CMTM7: variants seen among roughly 807,000 people sequenced by gnomAD.
The protein encoded by CMTM7 is CKLF like MARVEL transmembrane domain containing 7, also known as CKLF-like MARVEL transmembrane domain-containing protein 7.
A neutral mutation model predicts 19.3 loss-of-function variants in CMTM7; 7 were observed. The ratio of observed to expected loss-of-function variants is 0.36; its 90% CI spans 0.21 to 0.68. The LOEUF (loss-of-function observed/expected upper bound fraction) is 0.68, where lower values mean the gene tolerates loss of function less well. Ranked by LOEUF, CMTM7 falls within the 30% of genes least tolerant of loss-of-function variation. The pLI is 0.60. For synonymous variants in CMTM7, 87 were observed against 99.3 expected (o/e 0.88, Z 0.74); for missense variants, 193 against 232.6 (o/e 0.83, Z 1.11).
rs1431149007 is a variant in CMTM7, at chr3:32,392,027, C to T, written c.121C>T (p.Pro41Ser). 11 of 1,235,324 alleles carry T rather than the reference C, an allele frequency of 8.9e-6. No individual in the cohort carries two copies. The highest frequency in any genetic ancestry group is 1.1e-5 in the Non-Finnish European group (11 of 987,126). The allele number at this position is 1,235,324 out of a possible 1,614,324, so 76.5% of individuals were successfully genotyped here. ...PLEGLLDLSY[P>S]RTHAALLKVA... is the part of the protein sequence containing the mutation. ...GGAGGGGCTGCTGGACCTCAGCTAC[C>T]CCCGCACCCACGCGGCCCTGCTGAA... The change falls in exon 1 of 5, where the codon CCC becomes TCC. Residue 41 changes from proline (P) to serine (S), a missense_variant. Pro to Ser is a moderately conservative substitution (Grantham distance 74). Coordinates refer to ENST00000334983, the MANE Select transcript of CMTM7 (RefSeq NM_138410.4).
In CMTM7 at chr3:32,436,403, A is replaced by G. The variant is rs955502133; in HGVS notation, c.160-5437A>G. ...AAAATTCAGCCAAAGTTGGGAGCAT[A>G]CCACATTCCTCTTCCTGTCTGCCAC... On this transcript the variant is annotated intron_variant, in intron 1 of 4. Transcript: ENST00000334983. Among the ~76,000 whole-genome samples, 4 of 152,138 alleles carry G rather than the reference A, an allele frequency of 2.6e-5. 1 individual carries two copies. The highest frequency in any genetic ancestry group is 1.5e-5 in the Non-Finnish European group (1 of 68,022).
chr3:32,413,552 C>T (rs950305381), intron 1 of CMTM7, among the ~76,000 whole-genome samples: 3 of 152,090 alleles, frequency 2.0e-5, no homozygotes, highest in Non-Finnish European at 2.9e-5. Context: ...CTAATAGCAC[C>T]CAGTTCTTTT....
At chr3:32,452,108 T>C (rs977107433) in intron 3 of CMTM7, 1 of 1,438,986 alleles carries the variant, frequency 6.9e-7, no homozygotes, top group Non-Finnish European at 9.2e-7. Flanking sequence ...TGCTTGTAAA[T>C]GTAAACCCAG....
rs761359854 is a variant in CMTM7 at position 32,449,547 on chromosome 3, G to A, written c.427G>A (p.Gly143Arg). ...TTACAACCAGAGCGGACTGGTAGCC[G>A]GAGCGGTGAGGATGTTTTGGGGAGC... ...KSYNQSGLVA[G>R]AIFGFMATFL... is the part of the protein sequence containing the mutation. Residue 143 changes from glycine (G) to arginine (R), a missense_variant, in exon 3 of 5, where the codon GGA (glycine) becomes AGA (arginine). Gly to Arg is a moderately radical substitution (Grantham distance 125, BLOSUM62 -2). Coordinates refer to ENST00000334983, the MANE Select transcript of CMTM7 (RefSeq NM_138410.4). This position sits in a 1 kb window ranked among gnomAD's most constrained non-coding sequence, Gnocchi z 4.5. The A allele has an allele frequency of 9.3e-6, 15 of 1,611,334 alleles. No individual in the cohort carries two copies. Among genetic ancestry groups the A allele is most frequent in the East Asian group, 2.2e-5 (1 of 44,874 alleles).
chr3:32,403,925 G>A (rs1696048866), intron 1 of CMTM7, among the ~76,000 whole-genome samples: 2 of 152,026 alleles, frequency 1.3e-5, no homozygotes, highest in South Asian at 4.1e-4. Flanking sequence ...AGCTGGAGTG[G>A]GGAAAACTCC....
chr3:32,421,676 A>C (rs1021615568), intron 1 of CMTM7, among the ~76,000 whole-genome samples: 1 of 152,170 alleles, frequency 6.6e-6, no homozygotes, highest in African/African-American at 2.4e-5. Context: ...GTCCGTGTCT[A>C]AGCTGTCCTC....
chr3:32,428,507 A>G (rs1043028144), intron 1 of CMTM7, among the ~76,000 whole-genome samples: 2 of 152,216 alleles, frequency 1.3e-5, no homozygotes, highest in Non-Finnish European at 2.9e-5. Context: ...TGTGAGATTC[A>G]GGCAGGAAAG....
rs182091808 is a variant in CMTM7 at position 32,410,399 on chromosome 3, G to A, written c.159+18334G>A. On this transcript the variant is annotated intron_variant, in intron 1 of 4. Coordinates refer to ENST00000334983, the MANE Select transcript of CMTM7 (RefSeq NM_138410.4). ...ACACATGCATATTTTCTTTGACAAAGCCTTTGGTAATAGCACTCCTTTCCA... is the reference window on the plus strand; with the variant it reads ...ACACATGCATATTTTCTTTGACAAAACCTTTGGTAATAGCACTCCTTTCCA... 2.6e-4 allele frequency among the ~76,000 whole-genome samples: 40 copies of A among 152,330 alleles called. No homozygotes were observed. In the East Asian group the frequency reaches 6.9e-3, roughly 26 times the overall value.
chr3:32,409,394 A>G (rs1696140442), intron 1 of CMTM7, among the ~76,000 whole-genome samples: 1 of 152,214 alleles, frequency 6.6e-6, no homozygotes, highest in African/African-American at 2.4e-5. Flanking sequence ...TGAGTGCTTC[A>G]GCATGCATTT....
chr3:32,435,297 G>A (rs1166367777), intron 1 of CMTM7, among the ~76,000 whole-genome samples: 2 of 152,178 alleles, frequency 1.3e-5, no homozygotes, highest in Non-Finnish European at 2.9e-5. Flanking sequence ...CCAGCTACAC[G>A]GGAGGCTGAG....
In CMTM7 at chr3:32,400,542, G is replaced by A. The variant is rs1320749028; in HGVS notation, c.159+8477G>A. ...CGAGTAGCTGGGACTACAGATATGT[G>A]CCACCATGCCCAGCTAATTATTGTA... On this transcript the variant is annotated intron_variant, in intron 1 of 4. Transcript: ENST00000334983. Among the ~76,000 whole-genome samples, 5 of 151,370 alleles carry A rather than the reference G, an allele frequency of 3.3e-5. No individual in the cohort carries two copies. In the South Asian group the frequency reaches 1.0e-3, roughly 32 times the overall value.
intron 1 of CMTM7, among the ~76,000 whole-genome samples, chr3:32,425,687 A>C (rs552242432): frequency 1.0e-3 from 158 of 152,340 alleles, no homozygotes; most frequent in African/African-American, 3.6e-3. Flanking sequence ...CAACATTAAA[A>C]TGTAGAAAGG....
chr3:32,409,439 G>A (rs1390739606), intron 1 of CMTM7, among the ~76,000 whole-genome samples: 3 of 152,150 alleles, frequency 2.0e-5, no homozygotes, highest in Non-Finnish European at 4.4e-5. Context: ...CATAATTGCA[G>A]TACAGTTACT....
intron 1 of CMTM7, among the ~76,000 whole-genome samples, chr3:32,437,981 G>A (rs532127406): frequency 1.6e-4 from 25 of 152,220 alleles, no homozygotes; most frequent in African/African-American, 5.5e-4. Context: ...AAACCGTTAC[G>A]AGAGGAGCTA....
intron 3 of CMTM7, chr3:32,451,716 T>C (rs1696835390): frequency 4.9e-6 from 1 of 203,226 alleles, no homozygotes; most frequent in South Asian, 7.0e-5. Context: ...TCCTCGACCA[T>C]TTGATGAGCC....
intron 1 of CMTM7, among the ~76,000 whole-genome samples, chr3:32,426,198 A>G (rs538144590): frequency 4.6e-5 from 7 of 152,324 alleles, no homozygotes; most frequent in Admixed American, 2.6e-4. Flanking sequence ...GCAAACTAGA[A>G]TATCTGCTCC....
In CMTM7 at chr3:32,441,994, G is replaced by A. The variant is rs1696685314; in HGVS notation, c.314G>A (p.Cys105Tyr). ...TTCCGCTTCTACCGCGTGCTCACCTGTATCAGCTGGCCCCTGTCGGTAAGA... is the reference window on the plus strand; with the variant it reads ...TTCCGCTTCTACCGCGTGCTCACCTATATCAGCTGGCCCCTGTCGGTAAGA... ...HLFRFYRVLT[C>Y]ISWPLSELLH... Residue 105 changes from cysteine to tyrosine, a missense_variant, in exon 2 of 5, where the codon TGT becomes TAT. Cys to Tyr is a radical substitution (Grantham distance 194, BLOSUM62 -2). Transcript: ENST00000334983. 5 of 1,614,148 alleles carry A rather than the reference G, an allele frequency of 3.1e-6. No homozygotes were observed. Among genetic ancestry groups the A allele is most frequent in the Non-Finnish European group, 4.2e-6 (5 of 1,180,022 alleles).
intron 1 of CMTM7, among the ~76,000 whole-genome samples, chr3:32,423,336 C>T (rs1696373441): frequency 6.6e-6 from 1 of 152,196 alleles, no homozygotes; most frequent in Non-Finnish European, 1.5e-5. Context: ...GGCCACATTT[C>T]ATTTTAAGAA....
At chr3:32,402,648 C>T (rs1278186593) in intron 1 of CMTM7, among the ~76,000 whole-genome samples, 2 of 152,060 alleles carry the variant, frequency 1.3e-5, no homozygotes, top group African/African-American at 2.4e-5. Flanking sequence ...CTGTAACCTT[C>T]GCCTCCTGGG....
Sources: gnomAD v4.1 joint callset for allele counts (sites outside exome capture counted in the v4.1 genomes callset) on GRCh38, gnomAD v4.1.1 for gene constraint, Gnocchi (gnomAD v3.1) non-coding constraint, MANE v1.5 for transcripts, NCBI Gene and HGNC (gene_info 2026-07-23, HGNC 2026-07-21) for gene names.